The following OCA2 variants were observed in gnomAD, a reference collection of about 807,000 sequenced individuals.
OCA2 encodes OCA2 melanosomal transmembrane protein, also known as P protein.
OCA2 carries 77 observed loss-of-function variants against 100.2 expected under a neutral mutation model. The observed-to-expected ratio is 0.77, with a 90% CI of 0.64 to 0.93. The LOEUF is 0.93. Ranked by LOEUF, OCA2 falls within the 40% of genes least tolerant of loss-of-function variation. The pLI, the probability that OCA2 is intolerant of heterozygous loss-of-function variation, is 0.00. For missense variants in OCA2, 1,062 were observed against 1,089.1 expected, an observed-to-expected ratio of 0.98 and a Z score of 0.35; for synonymous variants, 432 against 439.2, an observed-to-expected ratio of 0.98 and a Z score of 0.21.
At position 27,933,470 on chromosome 15, in the gene OCA2, G is replaced by A. The variant is rs1002263762; in HGVS notation, c.1952-7216C>T. 5.3e-5 allele frequency among the ~76,000 whole-genome samples: 8 copies of A among 152,126 alleles called. No homozygotes were observed. The South Asian group carries it at 8.3e-4, about 16-fold the overall frequency. On this transcript the variant is annotated intron_variant, in intron 18 of 23. Transcript: ENST00000354638. ...AGATAACGGTAATGGTGATTGTCACGCGTGTCCGTATGAAGAGACCACCAA... is the reference window on the plus strand; with the variant it reads ...AGATAACGGTAATGGTGATTGTCACACGTGTCCGTATGAAGAGACCACCAA...
chr15:27,772,138 T>G (rs1434436936), intron 23 of OCA2, among the ~76,000 whole-genome samples: 1 of 152,218 alleles, frequency 6.6e-6, no homozygotes, highest in Non-Finnish European at 1.5e-5. Flanking sequence ...GGAGGTGAGT[T>G]TGCTGTGCGT....
At position 28,072,551 on chromosome 15, in the gene OCA2, C is replaced by G. The variant is rs986765092; in HGVS notation, c.227+9097G>C. Among the ~76,000 whole-genome samples the G allele has an allele frequency of 2.1e-5, 3 of 143,980 alleles. No homozygotes were observed. The Admixed American group carries it at 2.2e-4, about 10-fold the overall frequency. The allele number at this position is 143,980 out of a possible 152,430, so 94.5% of individuals were successfully genotyped here. ...CTTGCAGTGAGCTGAGATCGCATCA[C>G]TGCACTCCAGCCTGGGCGACAGAGC... On this transcript the variant is annotated intron_variant, in intron 2 of 23. Transcript: ENST00000354638.
chr15:28,055,088 A>C (rs2043648324), intron 2 of OCA2, among the ~76,000 whole-genome samples: 1 of 152,126 alleles, frequency 6.6e-6, no homozygotes, highest in Non-Finnish European at 1.5e-5. Flanking sequence ...ACAGAGCCAA[A>C]CCCTATCAGT....
intron 9 of OCA2, among the ~76,000 whole-genome samples, chr15:27,990,928 A>G (rs1331295883): frequency 6.6e-6 from 1 of 152,238 alleles, no homozygotes; most frequent in Non-Finnish European, 1.5e-5. Context: ...GAGAAAGGCC[A>G]TAGCAAACTG....
At chr15:27,727,562 C>T in the OCA2 span, among the ~76,000 whole-genome samples, 10 of 152,180 alleles carry the variant, frequency 6.6e-5, no homozygotes, top group African/African-American at 2.2e-4. Context: ...AAGGTAACAT[C>T]GGCTCAGCTC....
intron 19 of OCA2, among the ~76,000 whole-genome samples, chr15:27,903,671 G>A (rs570801936): frequency 1.3e-5 from 2 of 152,300 alleles, no homozygotes; most frequent in East Asian, 1.9e-4. Context: ...AGTGGAGAGC[G>A]AGGCTTAGGT....
At chr15:28,065,866 ATTC>A (rs1450724039) in intron 2 of OCA2, among the ~76,000 whole-genome samples, 6 of 152,140 alleles carry the variant, frequency 3.9e-5, no homozygotes, top group African/African-American at 1.4e-4. Flanking sequence ...TAAAAATGTG[ATTC>A]TTCTTAATGA....
chr15:27,800,840 T>C (rs1334541602), intron 23 of OCA2, among the ~76,000 whole-genome samples: 3 of 150,622 alleles, frequency 2.0e-5, no homozygotes, highest in Non-Finnish European at 4.4e-5. Context: ...TGGTGGTACA[T>C]GCCTGTAGTC....
At chr15:27,953,339 G>A (rs1028804388) in intron 17 of OCA2, among the ~76,000 whole-genome samples, 1 of 152,276 alleles carries the variant, frequency 6.6e-6, no homozygotes, top group African/African-American at 2.4e-5. Context: ...TGTGCAGTGG[G>A]GCCACTGGTG....
chr15:27,891,108 C>G (rs925682650), intron 19 of OCA2, among the ~76,000 whole-genome samples: 1 of 151,862 alleles, frequency 6.6e-6, no homozygotes, highest in Non-Finnish European at 1.5e-5. Context: ...TAGATTATTC[C>G]TTTCCCTATG....
intron 2 of OCA2, among the ~76,000 whole-genome samples, chr15:28,054,859 A>C (rs1480959709): frequency 6.6e-6 from 1 of 152,158 alleles, no homozygotes; most frequent in African/African-American, 2.4e-5. Flanking sequence ...GCAGAAGGAG[A>C]AGCAAACATG....
the OCA2 span, among the ~76,000 whole-genome samples, chr15:27,731,973 C>T: frequency 6.6e-6 from 1 of 152,206 alleles, no homozygotes; most frequent in African/African-American, 2.4e-5. Context: ...TCAGGCGAGA[C>T]CCCTGGAGTA....
At position 28,024,872 on chromosome 15, in the gene OCA2, G is replaced by T. The variant is rs759125087; in HGVS notation, c.546C>A (p.Gly182=). Reference sequence around the variant, plus strand: ...AACACAGCACCACAAAGGCAAACAGGCCCATGACTTTCAGCCACTGCACAC... The same window carrying T: ...AACACAGCACCACAAAGGCAAACAGTCCCATGACTTTCAGCCACTGCACAC... The part of the protein sequence containing the change: ...RRCVQWLKVM[G]LFAFVVLCSI... The change falls in exon 5 of 24, where the codon GGC becomes GGA. Residue 182 remains glycine, a synonymous_variant. Coordinates refer to ENST00000354638, the MANE Select transcript of OCA2 (RefSeq NM_000275.3). The T allele has an allele frequency of 1.9e-6, 3 of 1,614,210 alleles. No homozygotes were observed. Among genetic ancestry groups the T allele is most frequent in the Admixed American group, 1.7e-5 (1 of 60,030 alleles).
chr15:27,794,298 C>T (rs895492858), intron 23 of OCA2, among the ~76,000 whole-genome samples: 1 of 152,098 alleles, frequency 6.6e-6, no homozygotes, highest in Non-Finnish European at 1.5e-5. Flanking sequence ...GGATGTGGCT[C>T]ATTGTCCCAC....
At chr15:27,773,079 T>C (rs1314514355) in intron 23 of OCA2, among the ~76,000 whole-genome samples, 4 of 152,198 alleles carry the variant, frequency 2.6e-5, no homozygotes, top group Admixed American at 2.0e-4. Context: ...AAATATTCTC[T>C]ATAATTCTAC....
intron 2 of OCA2, among the ~76,000 whole-genome samples, chr15:28,070,346 C>CT: frequency 7.0e-6 from 1 of 142,082 alleles, no homozygotes; most frequent in African/African-American, 2.7e-5. Flanking sequence ...CCAGCCGCCC[C>CT]GTCCGGGAGG....
At chr15:27,804,700 G>A (rs1235109970) in intron 23 of OCA2, among the ~76,000 whole-genome samples, 1 of 152,182 alleles carries the variant, frequency 6.6e-6, no homozygotes, top group Non-Finnish European at 1.5e-5. Context: ...CCCAGAGAAT[G>A]GGAGGCGCCT....
chr15:27,788,828 T>TGTTTTCA (rs747479710), intron 23 of OCA2, among the ~76,000 whole-genome samples: 2 of 152,142 alleles, frequency 1.3e-5, no homozygotes, highest in Non-Finnish European at 1.5e-5. Flanking sequence ...AGATGTTTTC[T>TGTTTTCA]GACCTACTAT....
intron 23 of OCA2, among the ~76,000 whole-genome samples, chr15:27,813,578 A>C (rs1300611338): frequency 6.6e-6 from 1 of 152,252 alleles, no homozygotes; most frequent in African/African-American, 2.4e-5. Flanking sequence ...GCCATGAGAC[A>C]TTAAAGCTCA....
Sources: gnomAD v4.1 joint callset for allele counts (sites outside exome capture counted in the v4.1 genomes callset) on GRCh38, gnomAD v4.1.1 for gene constraint, MANE v1.5 for transcripts, NCBI Gene and HGNC (gene_info 2026-07-23, HGNC 2026-07-21) for gene names.